SEMA5A: variants seen among roughly 807,000 people sequenced by gnomAD.
The protein encoded by SEMA5A is semaphorin-5A.
In SEMA5A, 55 loss-of-function variants were observed where a neutral mutation model predicts 135.5. The observed-to-expected ratio is 0.41, with a 90% confidence interval of 0.33 to 0.51. The LOEUF is 0.51. Among genes scored for constraint, SEMA5A ranks in the 20% least tolerant of loss-of-function variants. SEMA5A has a pLI of 0.37. For missense variants in SEMA5A, 1,290 were observed against 1,419.9 expected (o/e 0.91, Z 1.47); for synonymous variants, 580 against 546.5 (o/e 1.06, Z -0.85).
At position 9,451,731 on chromosome 5, in the gene SEMA5A, C is replaced by T. The variant is rs554763803; in HGVS notation, c.-174-13879G>A. ...TAGCTAAGAAGATGCAAATTGATCACAACCTCCCTGAAATAAAATGAGGAG... is the reference window on the plus strand; with the variant it reads ...TAGCTAAGAAGATGCAAATTGATCATAACCTCCCTGAAATAAAATGAGGAG... On this transcript the variant is annotated intron_variant, in intron 1 of 22. Transcript: ENST00000382496. 2.7e-3 allele frequency among the ~76,000 whole-genome samples: 411 copies of T among 152,314 alleles called. 2 individuals carry two copies. The highest frequency in any genetic ancestry group is 4.3e-3 in the Non-Finnish European group (290 of 68,030).
At chr5:9,442,503 C>T (rs1579547585) in intron 1 of SEMA5A, among the ~76,000 whole-genome samples, 2 of 152,096 alleles carry the variant, frequency 1.3e-5, no homozygotes, top group African/African-American at 4.8e-5. Flanking sequence ...TGAGATCAAC[C>T]ATAATCACTA....
intron 4 of SEMA5A, among the ~76,000 whole-genome samples, chr5:9,322,785 C>A (rs1205362933): frequency 6.6e-6 from 1 of 152,122 alleles, no homozygotes; most frequent in Non-Finnish European, 1.5e-5. Flanking sequence ...CAAGGCCCCA[C>A]CTATTAGTTA....
At chr5:9,460,172 A>G (rs1759002113) in intron 1 of SEMA5A, among the ~76,000 whole-genome samples, 1 of 152,216 alleles carries the variant, frequency 6.6e-6, no homozygotes, top group Non-Finnish European at 1.5e-5. Context: ...GGAGATTTTT[A>G]TTCTGATTTT....
chr5:9,167,029 G>A (rs1306011097), intron 11 of SEMA5A, among the ~76,000 whole-genome samples: 2 of 152,126 alleles, frequency 1.3e-5, no homozygotes, highest in South Asian at 4.1e-4. Flanking sequence ...CCCATTAGTT[G>A]TCAATTGAGA....
At chr5:9,154,068 T>C (rs1306554481) in intron 12 of SEMA5A, among the ~76,000 whole-genome samples, 1 of 39,136 alleles carries the variant, frequency 2.6e-5, no homozygotes, top group Non-Finnish European at 7.6e-5. Flanking sequence ...AAAAAATATA[T>C]ATATATATAT....
intron 1 of SEMA5A, among the ~76,000 whole-genome samples, chr5:9,452,282 T>A (rs1055996558): frequency 6.6e-6 from 1 of 152,156 alleles, no homozygotes; most frequent in Non-Finnish European, 1.5e-5. Flanking sequence ...GGAGCCCCCT[T>A]CTCCTCAATT....
chr5:9,290,849 T>G (rs992972237), intron 5 of SEMA5A, among the ~76,000 whole-genome samples: 2 of 152,114 alleles, frequency 1.3e-5, no homozygotes, highest in Non-Finnish European at 2.9e-5. Flanking sequence ...TTTCAAAACA[T>G]TATAAATACT....
intron 14 of SEMA5A, among the ~76,000 whole-genome samples, chr5:9,121,826 T>C (rs1457366647): frequency 6.6e-6 from 1 of 152,230 alleles, no homozygotes. Context: ...CCACTTCCTC[T>C]TAGGTGCATG....
intron 1 of SEMA5A, among the ~76,000 whole-genome samples, chr5:9,440,125 T>C (rs192024328): frequency 4.6e-5 from 7 of 152,340 alleles, no homozygotes; most frequent in African/African-American, 1.4e-4. Context: ...ACAGAAATGA[T>C]AGTGACAAAG....
At chr5:9,184,992 A>G (rs1401047410) in intron 11 of SEMA5A, among the ~76,000 whole-genome samples, 3 of 152,090 alleles carry the variant, frequency 2.0e-5, no homozygotes, top group East Asian at 1.9e-4. Flanking sequence ...CAATGGTGCA[A>G]TCCTAGCTCA....
chr5:9,513,739 C>T (rs934206049), intron 1 of SEMA5A, among the ~76,000 whole-genome samples: 7 of 152,266 alleles, frequency 4.6e-5, no homozygotes, highest in South Asian at 2.1e-4. Context: ...AATATTTTTA[C>T]GTTTTAATTA....
chr5:9,335,852 T>C (rs758191080), intron 4 of SEMA5A, among the ~76,000 whole-genome samples: 7 of 152,194 alleles, frequency 4.6e-5, no homozygotes, highest in Admixed American at 2.0e-4. Context: ...CAGGTATCTT[T>C]GAGCTTCTAT....
intron 5 of SEMA5A, among the ~76,000 whole-genome samples, chr5:9,296,651 A>C (rs1751347791): frequency 6.6e-6 from 1 of 152,174 alleles, no homozygotes; most frequent in Non-Finnish European, 1.5e-5. Flanking sequence ...AATTACAAAA[A>C]GGAATCTTCA....
intron 20 of SEMA5A, among the ~76,000 whole-genome samples, chr5:9,051,598 A>G (rs1010545683): frequency 1.8e-4 from 27 of 152,228 alleles, no homozygotes; most frequent in African/African-American, 6.0e-4. Flanking sequence ...ATAACCAAAT[A>G]TTTTCATTTT....
intron 16 of SEMA5A, among the ~76,000 whole-genome samples, chr5:9,080,122 C>G (rs1280950315): frequency 6.6e-6 from 1 of 152,078 alleles, no homozygotes; most frequent in Non-Finnish European, 1.5e-5. Flanking sequence ...GCACTGTTCA[C>G]AATAGCAAAG....
intron 1 of SEMA5A, among the ~76,000 whole-genome samples, chr5:9,526,740 G>T (rs1737146484): frequency 6.6e-6 from 1 of 152,184 alleles, no homozygotes; most frequent in South Asian, 2.1e-4. Context: ...TGCAGGCAAT[G>T]CTCAGAGGGT....
At chr5:9,504,173 C>T (rs1355321682) in intron 1 of SEMA5A, among the ~76,000 whole-genome samples, 3 of 147,466 alleles carry the variant, frequency 2.0e-5, no homozygotes, top group Non-Finnish European at 4.5e-5. Flanking sequence ...CAAGGTCACG[C>T]CACTCCACTC....
chr5:9,152,646 C>A (rs1330432742), intron 12 of SEMA5A, among the ~76,000 whole-genome samples: 1 of 152,196 alleles, frequency 6.6e-6, no homozygotes, highest in Non-Finnish European at 1.5e-5. Flanking sequence ...CTTCCTTCCA[C>A]CTAAGAATAC....
intron 1 of SEMA5A, among the ~76,000 whole-genome samples, chr5:9,496,201 C>T (rs1244480786): frequency 2.0e-5 from 3 of 152,120 alleles, no homozygotes; most frequent in African/African-American, 7.2e-5. Context: ...TGTGCCACCG[C>T]ACCCGGCTAA....
Sources: allele counts gnomAD v4.1 joint callset (sites outside exome capture counted in the v4.1 genomes callset), GRCh38; gene constraint gnomAD v4.1.1; transcripts MANE v1.5; gene names NCBI Gene and HGNC (gene_info 2026-07-23, HGNC 2026-07-21).